Variants in RBM19 observed in about 807,000 individuals in gnomAD.
The protein encoded by RBM19 is RNA binding motif protein 19.
RBM19 carries 94 observed loss-of-function variants against 116.8 expected under a neutral mutation model. The observed-to-expected ratio is 0.80, with a 90% CI of 0.68 to 0.95. The LOEUF is 0.95. RBM19 is among the 40% of genes least tolerant of loss of function. RBM19 has a pLI of 0.00. For missense variants in RBM19, 1,161 were observed against 1,220.7 expected (o/e 0.95, Z 0.73); for synonymous variants, 475 against 494.1 (o/e 0.96, Z 0.51).
At chr12:113,888,222 C>A (rs990939040) in intron 21 of RBM19, among the ~76,000 whole-genome samples, 4 of 152,166 alleles carry the variant, frequency 2.6e-5, no homozygotes, top group Admixed American at 2.0e-4. Flanking sequence ...TGAAAAAAAA[C>A]TCAATGCTTT....
intron 23 of RBM19, among the ~76,000 whole-genome samples, chr12:113,830,196 T>C (rs1875249907): frequency 6.6e-6 from 1 of 152,134 alleles, no homozygotes; most frequent in African/African-American, 2.4e-5. Flanking sequence ...AGGAAAAGCA[T>C]GAACAGACCC....
chr12:113,854,841 C>A (rs942660213), intron 22 of RBM19, among the ~76,000 whole-genome samples: 3 of 152,186 alleles, frequency 2.0e-5, no homozygotes, highest in African/African-American at 7.2e-5. Context: ...GGGAGGGAGA[C>A]TGGATGCAAA....
chr12:113,902,444 G>T (rs1263855311), intron 21 of RBM19, among the ~76,000 whole-genome samples: 1 of 151,914 alleles, frequency 6.6e-6, no homozygotes, highest in East Asian at 1.9e-4. Context: ...CAAAAAAACT[G>T]AAAAATTAGC....
intron 10 of RBM19, among the ~76,000 whole-genome samples, chr12:113,947,846 C>T (rs1470323309): frequency 6.7e-6 from 1 of 149,924 alleles, no homozygotes; most frequent in Non-Finnish European, 1.5e-5. Flanking sequence ...AAAGCACACC[C>T]TTTCTGCATT....
intron 23 of RBM19, among the ~76,000 whole-genome samples, chr12:113,840,458 G>A (rs1340771102): frequency 6.6e-6 from 1 of 152,186 alleles, no homozygotes; most frequent in Non-Finnish European, 1.5e-5. Flanking sequence ...CCTACCTCTG[G>A]CAACATGCCC....
intron 16 of RBM19, among the ~76,000 whole-genome samples, chr12:113,932,916 A>C (rs1206770384): frequency 6.6e-6 from 1 of 152,130 alleles, no homozygotes; most frequent in African/African-American, 2.4e-5. Flanking sequence ...TAGTTAGCAC[A>C]ATCAAATCCA....
In RBM19 at chr12:113,960,105, TG is replaced by T; in HGVS notation, c.292del (p.Gln98SerfsTer30). 1 of 1,614,216 alleles carries T rather than the reference TG, an allele frequency of 6.2e-7. No individual in the cohort carries two copies. The highest frequency in any genetic ancestry group is 8.5e-7 in the Non-Finnish European group (1 of 1,180,040). On this transcript the variant is annotated frameshift_variant, in exon 3 of 24. Coordinates refer to ENST00000261741, the MANE Select transcript of RBM19 (RefSeq NM_016196.4). LOFTEE classifies it high-confidence loss of function. ...AGAGTCTTTTGGAGGCTGCTTGGGC[TG>T]GCTTGGTTTCTGGGCATGTTTGCTC... ...AWSKHAQKPS[Q>X]PKQPPKDSTT...
At chr12:113,948,288 A>C (rs1200345796) in intron 10 of RBM19, among the ~76,000 whole-genome samples, 1 of 152,128 alleles carries the variant, frequency 6.6e-6, no homozygotes, top group Non-Finnish European at 1.5e-5. Context: ...ACAAACAAAC[A>C]CAGCCTGTTG....
At chr12:113,944,799 C>CA (rs1025618252) in intron 13 of RBM19, among the ~76,000 whole-genome samples, 10 of 136,352 alleles carry the variant, frequency 7.3e-5, no homozygotes, top group South Asian at 2.5e-4. Context: ...AACTCTGTCT[C>CA]AAAAAAAAAT....
At position 113,915,050 on chromosome 12, in the gene RBM19, G is replaced by A. The variant is rs1033500017; in HGVS notation, c.2477C>T (p.Pro826Leu). The change falls in exon 21 of 24, where the codon CCC becomes CTC. Residue 826 changes from proline to leucine, a missense_variant. Transcript: ENST00000261741. ...GATCTTGGAGGTGGTCTGCTTTCTG[G>A]GAACTTGTTTCTTCCGAGCCAATGT... ...AVTLARKKQV[P>L]RKQTTSKILV... is the part of the protein sequence containing the mutation. 2 of 1,614,086 alleles carry A rather than the reference G, an allele frequency of 1.2e-6. No homozygotes were observed. The highest frequency in any genetic ancestry group is 2.7e-5 in the African/African-American group (2 of 74,918).
Position 113,948,859 on chromosome 12 carries a change from T to A in RBM19, c.1250A>T (p.Asp417Val), listed in dbSNP as rs778646586. Residue 417 changes from aspartate (D) to valine (V), a missense_variant, in exon 10 of 24, where the codon GAT becomes GTT. By Grantham distance (152) the Asp-to-Val change is radical (BLOSUM62 -3). Transcript: ENST00000261741. ...RNLPYTSTEEDLEKLFSKYGP... is the reference protein window; with the variant it reads ...RNLPYTSTEEVLEKLFSKYGP... The stretch of plus-strand genomic sequence containing the variant: ...ATATTTGGAGAAGAGCTTCTCCAGA[T>A]CCTCCTCGGTGCTGGTGTAGGGCAG... 2 of 1,614,102 alleles carry A rather than the reference T, an allele frequency of 1.2e-6. No individual in the cohort carries two copies. The highest frequency in any genetic ancestry group is 1.7e-6 in the Non-Finnish European group (2 of 1,180,014).
chr12:113,878,717 C>T (rs1326098279), intron 21 of RBM19, among the ~76,000 whole-genome samples: 5 of 151,324 alleles, frequency 3.3e-5, no homozygotes, highest in Admixed American at 1.3e-4. Flanking sequence ...GCAGGAAAGC[C>T]GCCCAAGGTC....
chr12:113,862,065 C>G lies in RBM19; in HGVS notation c.2559-3169G>C, dbSNP rs148524835. On this transcript the variant is annotated intron_variant, in intron 21 of 23. Coordinates refer to ENST00000261741, the MANE Select transcript of RBM19 (RefSeq NM_016196.4). ...GAGAGAACTGAAGCTTAAGGAGGAG[C>G]TGAAAGATCAGGGTTAGATCTTAGA... is the stretch of plus-strand genomic sequence containing the variant. Among the ~76,000 whole-genome samples, 3 of 152,322 alleles carry G rather than the reference C, an allele frequency of 2.0e-5. No individual in the cohort carries two copies. In the East Asian group the frequency reaches 5.8e-4, roughly 29 times the overall value.
At chr12:113,852,719 G>A (rs368916528) in intron 22 of RBM19, among the ~76,000 whole-genome samples, 3 of 152,184 alleles carry the variant, frequency 2.0e-5, no homozygotes, top group Non-Finnish European at 4.4e-5. Context: ...AACGCCTCAA[G>A]GGCAGCCTTA....
chr12:113,846,603 C>A lies in RBM19; in HGVS notation c.2665-1815G>T, dbSNP rs186439589. On this transcript the variant is annotated intron_variant, in intron 22 of 23. Coordinates refer to ENST00000261741, the MANE Select transcript of RBM19 (RefSeq NM_016196.4). ...TCTACAAACCAAGGATGCCAACTGT[C>A]CCCAGCAGCCAGGGGAGAGGCACCA... is the stretch of plus-strand genomic sequence containing the variant. Among the ~76,000 whole-genome samples, 8 of 152,268 alleles carry A rather than the reference C, an allele frequency of 5.3e-5. No homozygotes were observed. In the East Asian group the frequency reaches 1.5e-3, roughly 29 times the overall value.
chr12:113,946,598 G>T, intron 11 of RBM19, 123 bp from the exon 12 acceptor site: 2 of 1,332,872 alleles, frequency 1.5e-6, no homozygotes, highest in Non-Finnish European at 1.0e-6. Flanking sequence ...TGACCAGAGG[G>T]TGGGAGGGAG....
intron 16 of RBM19, among the ~76,000 whole-genome samples, chr12:113,933,187 TA>T (rs200009821): frequency 6.7e-4 from 91 of 136,492 alleles, no homozygotes; most frequent in Admixed American, 6.5e-4. Context: ...GGGGGTAAAA[TA>T]AAAAAAAAAA....
chr12:113,907,875 T>C (rs951008385), intron 21 of RBM19, among the ~76,000 whole-genome samples: 2 of 152,184 alleles, frequency 1.3e-5, no homozygotes, highest in Admixed American at 6.5e-5. Flanking sequence ...TGCAAGCTCT[T>C]AACTCTGCTG....
At chr12:113,942,251 G>A in intron 14 of RBM19, 73 bp downstream of exon 14, 1 of 1,270,232 alleles carries the variant, frequency 7.9e-7, no homozygotes, top group South Asian at 1.3e-5. Flanking sequence ...AAATCCATCT[G>A]CATCTCCCCT....
Sources: allele counts gnomAD v4.1 joint callset (sites outside exome capture counted in the v4.1 genomes callset), GRCh38; gene constraint gnomAD v4.1.1; transcripts MANE v1.5; gene names NCBI Gene and HGNC (gene_info 2026-07-23, HGNC 2026-07-21).